Variants in KIAA1217 observed in about 807,000 individuals in gnomAD.
The protein encoded by KIAA1217 is KIAA1217, also known as sickle tail protein homolog.
Under a neutral mutation model 163.9 loss-of-function variants are expected in KIAA1217, and 88 were observed. The observed-to-expected ratio is 0.54, with a 90% CI of 0.45 to 0.64. The LOEUF (loss-of-function observed/expected upper bound fraction) is 0.64. KIAA1217 is among the 30% of genes least tolerant of loss of function. The pLI is 0.00. For synonymous variants in KIAA1217, 903 were observed against 923.1 expected (o/e 0.98, Z 0.39); for missense variants, 2,372 against 2,475.0 (o/e 0.96, Z 0.88).
At chr10:24,026,325 G>A (rs1298565038) in intron 2 of KIAA1217, among the ~76,000 whole-genome samples, 1 of 151,802 alleles carries the variant, frequency 6.6e-6, no homozygotes, top group African/African-American at 2.4e-5. Flanking sequence ...TTTTCTGAGA[G>A]AGTATAAATA....
At chr10:24,248,054 C>T (rs1177719686) in intron 2 of KIAA1217, among the ~76,000 whole-genome samples, 3 of 152,200 alleles carry the variant, frequency 2.0e-5, no homozygotes, top group East Asian at 1.9e-4. Context: ...CACACACCTA[C>T]GCAGGAGTGC....
chr10:23,918,727 A>AT (rs1554823729), intron 1 of KIAA1217, among the ~76,000 whole-genome samples: 1 of 145,944 alleles, frequency 6.9e-6, no homozygotes, highest in Non-Finnish European at 1.5e-5. Flanking sequence ...TTAAGAATTA[A>AT]ATATATACAC....
chr10:24,367,472 T>C (rs565473583), intron 2 of KIAA1217, among the ~76,000 whole-genome samples: 1 of 152,346 alleles, frequency 6.6e-6, no homozygotes, highest in East Asian at 1.9e-4. Context: ...GATTGGATTG[T>C]GGAATCAGCA....
intron 6 of KIAA1217, among the ~76,000 whole-genome samples, chr10:24,479,602 T>C (rs1359944639): frequency 6.6e-6 from 1 of 152,186 alleles, no homozygotes; most frequent in Admixed American, 6.5e-5. Flanking sequence ...GGATGTTGTC[T>C]TAGTCCATTC....
At chr10:23,815,353 T>G (rs1336714594) in intron 1 of KIAA1217, among the ~76,000 whole-genome samples, 3 of 152,154 alleles carry the variant, frequency 2.0e-5, no homozygotes, top group Non-Finnish European at 2.9e-5. Context: ...TGGTAAAATT[T>G]AATAATTTAG....
intron 1 of KIAA1217, among the ~76,000 whole-genome samples, chr10:23,771,879 C>T (rs953463981): frequency 9.2e-5 from 14 of 152,196 alleles, no homozygotes; most frequent in African/African-American, 3.4e-4. Context: ...ACCTCTGCTG[C>T]AATTATCTTC....
At chr10:23,714,181 G>A (rs568620010) in intron 1 of KIAA1217, among the ~76,000 whole-genome samples, 12 of 151,820 alleles carry the variant, frequency 7.9e-5, no homozygotes, top group Admixed American at 7.2e-4. Flanking sequence ...CCCCTTCCCC[G>A]CTATCCTGTT....
chr10:23,962,987 A>G (rs1457741412), intron 1 of KIAA1217, among the ~76,000 whole-genome samples: 1 of 152,174 alleles, frequency 6.6e-6, no homozygotes, highest in Non-Finnish European at 1.5e-5. Flanking sequence ...AGAAAAAAGA[A>G]AAGATTTTCA....
At chr10:23,737,345 C>T (rs1027420604) in intron 1 of KIAA1217, among the ~76,000 whole-genome samples, 18 of 151,636 alleles carry the variant, frequency 1.2e-4, no homozygotes, top group African/African-American at 2.2e-4. Flanking sequence ...ACTACAGGTG[C>T]GCACCACCAT....
intron 3 of KIAA1217, among the ~76,000 whole-genome samples, chr10:24,405,198 C>A (rs2057073659): frequency 6.6e-6 from 1 of 152,046 alleles, no homozygotes; most frequent in African/African-American, 2.4e-5. Flanking sequence ...TGCCAGTGAC[C>A]CAGTTTTGTT....
intron 1 of KIAA1217, among the ~76,000 whole-genome samples, chr10:24,216,700 G>T (rs956218618): frequency 2.6e-5 from 4 of 151,264 alleles, no homozygotes; most frequent in African/African-American, 4.9e-5. Flanking sequence ...GGTTGCGCAC[G>T]GCTGTAATCT....
intron 1 of KIAA1217, among the ~76,000 whole-genome samples, chr10:24,216,886 G>C (rs1007357074): frequency 7.0e-6 from 1 of 143,288 alleles, no homozygotes; most frequent in Non-Finnish European, 1.5e-5. Flanking sequence ...AAAATAAATA[G>C]CCAGATGTGG....
chr10:24,295,519 G>A (rs1329728440), intron 2 of KIAA1217, among the ~76,000 whole-genome samples: 1 of 152,044 alleles, frequency 6.6e-6, no homozygotes, highest in Non-Finnish European at 1.5e-5. Flanking sequence ...CCCTTTGTTT[G>A]TTTCTCCCAC....
At chr10:24,038,791 A>C (rs1848502687) in intron 2 of KIAA1217, among the ~76,000 whole-genome samples, 3 of 122,788 alleles carry the variant, frequency 2.4e-5, no homozygotes, top group African/African-American at 6.4e-5. Flanking sequence ...TCACTCTGTC[A>C]CCCAGGCTGG....
intron 2 of KIAA1217, among the ~76,000 whole-genome samples, chr10:24,141,598 A>G (rs973950177): frequency 2.6e-5 from 4 of 152,226 alleles, no homozygotes; most frequent in Non-Finnish European, 4.4e-5. Context: ...CCTAAGCAGC[A>G]TGCATCAGTC....
chr10:24,190,178 G>A (rs1232976440), intron 2 of KIAA1217, among the ~76,000 whole-genome samples: 2 of 152,096 alleles, frequency 1.3e-5, no homozygotes, highest in Non-Finnish European at 2.9e-5. Flanking sequence ...CAAGATACCT[G>A]TCACTTAGGG....
intron 1 of KIAA1217, among the ~76,000 whole-genome samples, chr10:23,959,830 G>A (rs149116174): frequency 8.6e-5 from 13 of 151,046 alleles, no homozygotes; most frequent in African/African-American, 2.9e-4. Flanking sequence ...GGATAAGGAC[G>A]TTTCTTTCCT....
At chr10:23,805,534 G>A (rs1836694029) in intron 1 of KIAA1217, among the ~76,000 whole-genome samples, 1 of 152,064 alleles carries the variant, frequency 6.6e-6, no homozygotes, top group South Asian at 2.1e-4. Flanking sequence ...AGGGTGGAGG[G>A]TGGGAGGAGG....
upstream of KIAA1217, among the ~76,000 whole-genome samples, chr10:24,205,928 G>A (rs921357619): frequency 3.9e-5 from 6 of 152,170 alleles, no homozygotes; most frequent in South Asian, 2.1e-4. Context: ...TTTACGTTGC[G>A]TTATCAACAC....
Sources: gnomAD v4.1 joint callset for allele counts (sites outside exome capture counted in the v4.1 genomes callset) on GRCh38, gnomAD v4.1.1 for gene constraint, MANE v1.5 for transcripts, NCBI Gene and HGNC (gene_info 2026-07-23, HGNC 2026-07-21) for gene names.